Variants in USP34 observed in about 807,000 individuals in gnomAD.
The protein encoded by USP34 is ubiquitin carboxyl-terminal hydrolase 34.
In USP34, 70 loss-of-function variants were observed where a neutral mutation model predicts 460.3. That is an observed-to-expected ratio of 0.15 (90% CI 0.13 to 0.19). The LOEUF is 0.19. Among genes scored for constraint, USP34 ranks in the 10% least tolerant of loss-of-function variants. USP34 has a pLI of 1.00. For synonymous variants in USP34, 1,647 were observed against 1,405.3 expected (o/e 1.17, Z -3.85); for missense variants, 3,985 against 4,236.2 (o/e 0.94, Z 1.65).
intron 8 of USP34, among the ~76,000 whole-genome samples, chr2:61,371,088 A>G (rs1179826230): frequency 1.3e-5 from 2 of 152,228 alleles, no homozygotes; most frequent in Non-Finnish European, 2.9e-5. Flanking sequence ...CATGTACTGC[A>G]TAATAATGAT....
chr2:61,221,390 C>G (rs1687581161), intron 66 of USP34, 112 bp downstream of exon 66: 3 of 973,084 alleles, frequency 3.1e-6, no homozygotes, highest in Non-Finnish European at 4.5e-6. Flanking sequence ...CTGTGACTTA[C>G]TAAAACCATC....
rs1012054413 is a variant in USP34, at chr2:61,383,457, C to T, written c.754-121G>A. 15 of 605,242 alleles carry T rather than the reference C, an allele frequency of 2.5e-5. No individual in the cohort carries two copies. The East Asian group carries it at 4.8e-4, about 19-fold the overall frequency. 37.5% of individuals were successfully genotyped at this position (605,242 alleles called of 1,614,324 possible). A position where few individuals can be genotyped will look rare whatever the true frequency, so the allele number is the denominator to read the frequency against. ...CGGTCGCTCACGCCTGTAATCCCAG[C>T]ACTTTGGGAGGCTGAGGTGGGCAGA... On this transcript the variant is annotated intron_variant, in intron 5 of 79. Transcript: ENST00000398571.
chr2:61,416,670 A>G (rs1694203565), intron 2 of USP34, among the ~76,000 whole-genome samples: 1 of 152,016 alleles, frequency 6.6e-6, no homozygotes, highest in African/African-American at 2.4e-5. Context: ...CCCTTTCCCT[A>G]ATTTAGTCTT....
chr2:61,356,404 G>A (rs1692105137), intron 10 of USP34, among the ~76,000 whole-genome samples: 1 of 152,018 alleles, frequency 6.6e-6, no homozygotes, highest in African/African-American at 2.4e-5. Flanking sequence ...GTGGGAGGAT[G>A]GCTTAATCCT....
chr2:61,401,852 C>G (rs1693731164), intron 3 of USP34, among the ~76,000 whole-genome samples: 1 of 151,380 alleles, frequency 6.6e-6, no homozygotes, highest in Non-Finnish European at 1.5e-5. Flanking sequence ...GCCACCGCGC[C>G]CGGCCCATTT....
chr2:61,361,082 T>C (rs1002970082), intron 10 of USP34, among the ~76,000 whole-genome samples: 2 of 152,180 alleles, frequency 1.3e-5, no homozygotes, highest in Non-Finnish European at 1.5e-5. Flanking sequence ...TATCACACTT[T>C]TTAATTCCAA....
rs1361638014 is a variant in USP34, at chr2:61,241,502, C to T, written c.6777+58G>A. On this transcript the variant is annotated intron_variant, in intron 53 of 79. Transcript: ENST00000398571. ...GAACCTGTTCTTACACTACAGTATTCCTTGCATAAACACTTAACATATTTT... is the reference window on the plus strand; with the variant it reads ...GAACCTGTTCTTACACTACAGTATTTCTTGCATAAACACTTAACATATTTT... The T allele has an allele frequency of 4.7e-6, 6 of 1,280,838 alleles. No individual in the cohort carries two copies. The Admixed American group carries it at 1.3e-4, about 28-fold the overall frequency. 79.3% of individuals were successfully genotyped at this position (1,280,838 alleles called of 1,614,324 possible). A position where few individuals can be genotyped will look rare whatever the true frequency, so the allele number is the denominator to read the frequency against.
intron 64 of USP34, 67 bp downstream of exon 64, chr2:61,222,993 G>C: frequency 7.2e-7 from 1 of 1,387,954 alleles, no homozygotes. Flanking sequence ...CACCGCACTC[G>C]GCCAGATTTC....
intron 1 of USP34, among the ~76,000 whole-genome samples, chr2:61,429,003 A>G (rs1243040470): frequency 6.6e-6 from 1 of 152,188 alleles, no homozygotes; most frequent in African/African-American, 2.4e-5. Flanking sequence ...AATTTCCATT[A>G]GAGTGGATTG....
chr2:61,450,236 A>G (rs1695233163), intron 1 of USP34, among the ~76,000 whole-genome samples: 1 of 152,200 alleles, frequency 6.6e-6, no homozygotes. Flanking sequence ...AGAATAGGCA[A>G]ATATATTAAG....
chr2:61,338,428 T>C (rs958481323), intron 18 of USP34, among the ~76,000 whole-genome samples: 2 of 152,232 alleles, frequency 1.3e-5, no homozygotes, highest in Non-Finnish European at 2.9e-5. Context: ...CTGTAACTGC[T>C]CAACGTATTG....
chr2:61,193,382 A>AAAG (rs1686697527), intron 75 of USP34: 1 of 152,042 alleles, frequency 6.6e-6, no homozygotes, highest in Non-Finnish European at 1.5e-5. Context: ...AAAAAAAAAA[A>AAAG]AAAAAAAGTG....
intron 62 of USP34, among the ~76,000 whole-genome samples, chr2:61,224,186 T>C (rs1015399567): frequency 6.6e-6 from 1 of 152,238 alleles, no homozygotes; most frequent in Non-Finnish European, 1.5e-5. Flanking sequence ...TTTGCCATAA[T>C]TAGTTGAAAA....
intron 1 of USP34, 87 bp downstream of exon 1, chr2:61,470,563 G>T: frequency 1.1e-6 from 1 of 937,500 alleles, no homozygotes; most frequent in Non-Finnish European, 1.6e-6. Flanking sequence ...GTCGCCTCCC[G>T]CAGGCCGCGG....
At chr2:61,226,138 T>C (rs1169518771) in intron 62 of USP34, among the ~76,000 whole-genome samples, 1 of 152,224 alleles carries the variant, frequency 6.6e-6, no homozygotes, top group African/African-American at 2.4e-5. Flanking sequence ...AGGGCCATTT[T>C]AAACAGCAAA....
In USP34 at chr2:61,261,300, A is replaced by G. The variant is rs145092581; in HGVS notation, c.5779-1524T>C. ...AAAGAATAAATAAAATGTGGTAAAT[A>G]CAATAAATTATAATTCAGCCTTAAA... On this transcript the variant is annotated intron_variant, in intron 43 of 79. Transcript: ENST00000398571. Among the ~76,000 whole-genome samples, 31 of 152,382 alleles carry G rather than the reference A, an allele frequency of 2.0e-4. No homozygotes were observed. The East Asian group carries it at 5.0e-3, about 25-fold the overall frequency.
Position 61,470,706 on chromosome 2 carries a change from C to A in USP34, c.-14G>T. 3 of 1,497,348 alleles carry A rather than the reference C, an allele frequency of 2.0e-6. No individual in the cohort carries two copies. The highest frequency in any genetic ancestry group is 1.2e-5 in the South Asian group (1 of 84,554). The allele number at this position is 1,497,348 out of a possible 1,614,324, so 92.8% of individuals were successfully genotyped here. A position where few individuals can be genotyped will look rare whatever the true frequency, so the allele number is the denominator to read the frequency against. On this transcript the variant is annotated 5_prime_UTR_variant, in exon 1 of 80. Transcript: ENST00000398571. ...GTTCTCGCACATCGTTCGGCCGCCGCCCCCCCCCTCCCCCGCTTCGGATCA... is the reference window on the plus strand; with the variant it reads ...GTTCTCGCACATCGTTCGGCCGCCGACCCCCCCCTCCCCCGCTTCGGATCA...
In USP34 at chr2:61,215,976, G is replaced by A. The variant is rs566932129; in HGVS notation, c.8048-1282C>T. ...TGGAACCTCCTCAAGACTCTCTAAT[G>A]TCTGAGTTTGGGTTCTTTTCAGGAC... is the stretch of plus-strand genomic sequence containing the variant. On this transcript the variant is annotated intron_variant, in intron 67 of 79. Coordinates refer to ENST00000398571, the MANE Select transcript of USP34 (RefSeq NM_014709.4). Among the ~76,000 whole-genome samples, 17 of 152,256 alleles carry A rather than the reference G, an allele frequency of 1.1e-4. No individual in the cohort carries two copies. In the South Asian group the frequency reaches 3.5e-3, roughly 32 times the overall value.
chr2:61,364,862 G>A (rs62149710), intron 10 of USP34, among the ~76,000 whole-genome samples: 4 of 151,948 alleles, frequency 2.6e-5, no homozygotes, highest in Non-Finnish European at 2.9e-5. Context: ...CTCCGGAGAC[G>A]GAGGTTACAG....
Sources: gnomAD v4.1 joint callset for allele counts (sites outside exome capture counted in the v4.1 genomes callset) on GRCh38, gnomAD v4.1.1 for gene constraint, MANE v1.5 for transcripts, NCBI Gene and HGNC (gene_info 2026-07-23, HGNC 2026-07-21) for gene names.